Variants in RAB3GAP1 observed in about 807,000 individuals in gnomAD.
The protein encoded by RAB3GAP1 is RAB3 GTPase activating protein catalytic subunit 1.
RAB3GAP1 carries 86 observed loss-of-function variants against 130.7 expected under a neutral mutation model. The observed-to-expected ratio is 0.66, with a 90% confidence interval of 0.55 to 0.79. The LOEUF is 0.79. Among genes scored for constraint, RAB3GAP1 ranks in the 30% least tolerant of loss-of-function variants. The pLI, the probability that RAB3GAP1 is intolerant of heterozygous loss-of-function variation, is 0.00. For synonymous variants in RAB3GAP1, 367 were observed against 401.7 expected (o/e 0.91, Z 1.03); for missense variants, 1,029 against 1,169.4 (o/e 0.88, Z 1.75).
At chr2:135,057,866 C>T (rs1689058001) in intron 2 of RAB3GAP1, 145 bp from the exon 3 acceptor site, 2 of 655,228 alleles carry the variant, frequency 3.1e-6, no homozygotes, top group East Asian at 2.8e-5. Flanking sequence ...ACCCCATATC[C>T]ATAAATTAAG....
At chr2:135,163,722 G>A (rs1037148845) in intron 22 of RAB3GAP1, among the ~76,000 whole-genome samples, 6 of 152,196 alleles carry the variant, frequency 3.9e-5, no homozygotes, top group African/African-American at 7.2e-5. Context: ...TTGTTTTAAT[G>A]TGTGATAAAG....
intron 10 of RAB3GAP1, 28 bp from the exon 11 acceptor site, chr2:135,126,555 A>C (rs1168959222): frequency 6.4e-7 from 1 of 1,566,152 alleles, no homozygotes; most frequent in South Asian, 1.1e-5. Flanking sequence ...CATAATTAGG[A>C]TTTTATATTT....
Position 135,133,904 on chromosome 2 carries a change from C to T in RAB3GAP1, c.1370C>T (p.Thr457Ile), listed in dbSNP as rs1691613243. ...QFKSAPSDSLTYKLALCLCMI... is the reference protein window; with the variant it reads ...QFKSAPSDSLIYKLALCLCMI... ...AAGTCTGCACCATCTGACAGTTTAA[C>T]ATACAAACTGGCTTTGTGTCTCTGT... is the stretch of plus-strand genomic sequence containing the variant. Residue 457 changes from threonine to isoleucine, a missense_variant, in exon 15 of 24, where the codon ACA (threonine) becomes ATA (isoleucine). Thr to Ile is a moderately conservative substitution (Grantham distance 89, BLOSUM62 -1). Around this residue, in one of 3 missense-constraint regions of RAB3GAP1, gnomAD observed 373 missense variants for 493.6 expected, o/e 0.76. Transcript: ENST00000264158. The T allele has an allele frequency of 6.2e-7, 1 of 1,613,766 alleles. No homozygotes were observed. Among genetic ancestry groups the T allele is most frequent in the Middle Eastern group, 1.7e-4 (1 of 6,060 alleles).
Position 135,064,106 on chromosome 2 carries a change from C to G in RAB3GAP1, c.150+6020C>G, listed in dbSNP as rs78315044. On this transcript the variant is annotated intron_variant, in intron 3 of 23. Transcript: ENST00000264158. ...GTTTGACTTTGTTGTTTTTCTCTGGCTGCTTTTGAGATTTTTTTATTTAAA... is the reference window on the plus strand; with the variant it reads ...GTTTGACTTTGTTGTTTTTCTCTGGGTGCTTTTGAGATTTTTTTATTTAAA... Among the ~76,000 whole-genome samples the G allele has an allele frequency of 9.7e-3, 1,481 of 152,130 alleles. 23 individuals carry two copies. The highest frequency in any genetic ancestry group is 0.034 in the African/African-American group (1,412 of 41,504).
At chr2:135,126,121 G>C in intron 9 of RAB3GAP1, 60 bp from the exon 10 acceptor site, 1 of 1,218,340 alleles carries the variant, frequency 8.2e-7, no homozygotes, top group South Asian at 1.2e-5. Flanking sequence ...TTTTCTAGAA[G>C]TATTAAATAT....
chr2:135,162,433 C>G (rs1192772378), intron 19 of RAB3GAP1, 122 bp from the exon 20 acceptor site: 2 of 754,980 alleles, frequency 2.6e-6, no homozygotes, highest in Admixed American at 2.0e-5. Flanking sequence ...TCGTGGCTGC[C>G]TATCTGGAGT....
intron 17 of RAB3GAP1, among the ~76,000 whole-genome samples, chr2:135,139,562 TAA>T (rs1691778719): frequency 2.0e-5 from 3 of 149,186 alleles, no homozygotes; most frequent in Admixed American, 6.7e-5. Context: ...AAAAAAAAAA[TAA>T]AAAGTGCACA....
intron 17 of RAB3GAP1, among the ~76,000 whole-genome samples, chr2:135,146,458 C>G (rs1227410003): frequency 6.6e-6 from 1 of 152,158 alleles, no homozygotes; most frequent in South Asian, 2.1e-4. Context: ...GTGATCTGCT[C>G]GCCTAGGCCT....
intron 18 of RAB3GAP1, among the ~76,000 whole-genome samples, chr2:135,153,306 C>CAT (rs1692224131): frequency 6.6e-6 from 1 of 152,058 alleles, no homozygotes; most frequent in South Asian, 2.1e-4. Context: ...TTTCTCTTTA[C>CAT]ATCGAGTTTT....
intron 3 of RAB3GAP1, among the ~76,000 whole-genome samples, chr2:135,086,326 C>G (rs747141509): frequency 6.6e-6 from 1 of 152,060 alleles, no homozygotes; most frequent in Non-Finnish European, 1.5e-5. Context: ...TCATTTTATG[C>G]TCTTAGCCGT....
chr2:135,140,574 C>G (rs1256615015), intron 17 of RAB3GAP1, among the ~76,000 whole-genome samples: 1 of 152,144 alleles, frequency 6.6e-6, no homozygotes, highest in African/African-American at 2.4e-5. Flanking sequence ...AAAAGCTTCC[C>G]CTACTGTAGT....
chr2:135,052,622 C>G (rs967617788), intron 2 of RAB3GAP1, 137 bp downstream of exon 2: 17 of 1,033,038 alleles, frequency 1.6e-5, no homozygotes, highest in Admixed American at 4.0e-5. Context: ...TCTCCTCCCC[C>G]AGTCTTCTTT....
At chr2:135,120,038 A>G (rs1691151425) in intron 7 of RAB3GAP1, among the ~76,000 whole-genome samples, 1 of 152,134 alleles carries the variant, frequency 6.6e-6, no homozygotes. Flanking sequence ...TTAGTCTGAA[A>G]TTTTGGTTAA....
chr2:135,170,876 A>G (rs1466658904), downstream of RAB3GAP1, among the ~76,000 whole-genome samples: 2 of 152,044 alleles, frequency 1.3e-5, no homozygotes, highest in Non-Finnish European at 2.9e-5. Context: ...CCTGTGTGCA[A>G]TGAAATCATG....
chr2:135,158,676 T>G (rs1206644639), intron 19 of RAB3GAP1, among the ~76,000 whole-genome samples: 1 of 152,158 alleles, frequency 6.6e-6, no homozygotes, highest in Non-Finnish European at 1.5e-5. Flanking sequence ...GAATATTAAG[T>G]CTAGGTGGAA....
At position 135,052,295 on chromosome 2, in the gene RAB3GAP1, G is replaced by C. The variant is rs375796483; in HGVS notation, c.-13G>C. The C allele has an allele frequency of 1.9e-6, 3 of 1,613,268 alleles. No homozygotes were observed. Among genetic ancestry groups the C allele is most frequent in the Non-Finnish European group, 2.5e-6 (3 of 1,180,016 alleles). On this transcript the variant is annotated 5_prime_UTR_variant, in exon 1 of 24. Transcript: ENST00000264158. ...TCCCGGCAGCCTTAGCGCCAGGCCC[G>C]GCGCTCCTCAAGATGGCTGCCGACA...
intron 19 of RAB3GAP1, among the ~76,000 whole-genome samples, chr2:135,156,571 A>G (rs1474418450): frequency 1.3e-5 from 2 of 152,206 alleles, no homozygotes; most frequent in Non-Finnish European, 2.9e-5. Flanking sequence ...ATTTATGCTG[A>G]AAAAACTTTT....
intron 13 of RAB3GAP1, among the ~76,000 whole-genome samples, chr2:135,131,316 C>A (rs1273671267): frequency 6.6e-6 from 1 of 152,198 alleles, no homozygotes; most frequent in South Asian, 2.1e-4. Context: ...ACCTCCACCT[C>A]CTGGGTTCAA....
chr2:135,113,228 T>G lies in RAB3GAP1; in HGVS notation c.440T>G (p.Leu147Arg). The G allele has an allele frequency of 6.2e-7, 1 of 1,614,198 alleles. No homozygotes were observed. Among genetic ancestry groups the G allele is most frequent in the Non-Finnish European group, 8.5e-7 (1 of 1,180,008 alleles). Reference sequence around the variant, plus strand: ...GTTCTCAGCGAATCTAAGTGCAACCTTCTTCTGAGTTCTGTTTCTATTGCC... The same window carrying G: ...GTTCTCAGCGAATCTAAGTGCAACCGTCTTCTGAGTTCTGTTTCTATTGCC... ...DAVLSESKCN[L>R]LLSSVSIALG... is the part of the protein sequence containing the mutation. Residue 147 changes from leucine (L) to arginine (R), a missense_variant, in exon 6 of 24, where the codon CTT becomes CGT. Physicochemically the swap from Leu to Arg is moderately radical, Grantham distance 102. Around this residue, in one of 3 missense-constraint regions of RAB3GAP1, gnomAD observed 510 missense variants for 532.1 expected, o/e 0.96. Coordinates refer to ENST00000264158, the MANE Select transcript of RAB3GAP1 (RefSeq NM_012233.3).
Sources: allele counts gnomAD v4.1 joint callset (sites outside exome capture counted in the v4.1 genomes callset), GRCh38; gene constraint gnomAD v4.1.1; regional missense constraint gnomAD v4.1.1; transcripts MANE v1.5; gene names NCBI Gene and HGNC (gene_info 2026-07-23, HGNC 2026-07-21).